PARVB: variants seen among roughly 807,000 people sequenced by gnomAD.
PARVB encodes the protein beta-parvin.
In PARVB, 46 loss-of-function variants were observed where a neutral mutation model predicts 47.0. That is an observed-to-expected ratio of 0.98 (90% confidence interval 0.77 to 1.25). PARVB has a LOEUF of 1.25. Ranked by LOEUF, PARVB falls within the 50% of genes most tolerant of loss-of-function variation. PARVB has a pLI of 0.00. For synonymous variants in PARVB, 196 were observed against 196.3 expected, an observed-to-expected ratio of 1.00 and a Z score of 0.01; for missense variants, 473 against 471.6, an observed-to-expected ratio of 1.00 and a Z score of -0.03.
chr22:44,161,761 G>A (rs1434203147), intron 11 of PARVB, among the ~76,000 whole-genome samples: 1 of 152,226 alleles, frequency 6.6e-6, no homozygotes, highest in Non-Finnish European at 1.5e-5. Flanking sequence ...TGGATGCACA[G>A]CACCCGCAGG....
chr22:44,166,978 C>T (rs1172405947), intron 12 of PARVB, among the ~76,000 whole-genome samples: 1 of 152,216 alleles, frequency 6.6e-6, no homozygotes, highest in African/African-American at 2.4e-5. Context: ...GAGGCAGTGG[C>T]TGTGGCCTCC....
intron 5 of PARVB, among the ~76,000 whole-genome samples, chr22:44,132,468 G>A (rs1446543510): frequency 6.6e-6 from 1 of 152,164 alleles, no homozygotes; most frequent in African/African-American, 2.4e-5. Flanking sequence ...CTCTGCTCTT[G>A]GCAGCCTACC....
intron 1 of PARVB, among the ~76,000 whole-genome samples, chr22:44,071,705 T>C (rs1048766574): frequency 6.6e-6 from 1 of 152,240 alleles, no homozygotes; most frequent in African/African-American, 2.4e-5. Flanking sequence ...GAAGTCATGA[T>C]TGGGCTGATT....
intron 8 of PARVB, 114 bp from the exon 9 acceptor site, chr22:44,147,747 G>T: frequency 1.2e-6 from 1 of 829,480 alleles, no homozygotes. Context: ...CTAGGCAGGT[G>T]TGGGAGTTGA....
At chr22:44,128,534 A>G (rs2053241442) in intron 4 of PARVB, among the ~76,000 whole-genome samples, 2 of 152,236 alleles carry the variant, frequency 1.3e-5, no homozygotes, top group South Asian at 4.1e-4. Flanking sequence ...CTAAGGCAGC[A>G]CACAGGCATG....
chr22:44,119,047 G>C lies in PARVB; in HGVS notation c.283G>C (p.Asp95His). The change falls in exon 4 of 13, where the codon GAC becomes CAC. Residue 95 changes from aspartate (D) to histidine (H), a missense_variant. Transcript: ENST00000338758. ...CCTGCGTCTCCTGCAGGTCCTCCTC[G>C]ACTGGATTAATGACGTGCTGGTGGA... is the stretch of plus-strand genomic sequence containing the variant. The part of the protein sequence containing the change: ...KFKELVKVLL[D>H]WINDVLVEER... 4 of 1,613,632 alleles carry C rather than the reference G, an allele frequency of 2.5e-6. No homozygotes were observed. The highest frequency in any genetic ancestry group is 3.4e-6 in the Non-Finnish European group (4 of 1,179,552).
chr22:44,147,411 C>T (rs1215531439), intron 8 of PARVB: 6 of 334,570 alleles, frequency 1.8e-5, no homozygotes, highest in Non-Finnish European at 3.0e-5. Flanking sequence ...TGCAGCTGCT[C>T]CCAGGCGAGG....
intron 2 of PARVB, among the ~76,000 whole-genome samples, chr22:44,095,636 C>T (rs1439028640): frequency 1.3e-5 from 2 of 152,356 alleles, no homozygotes; most frequent in East Asian, 3.9e-4. Context: ...CCCCTGCGCT[C>T]ACTGCCTGAT....
At chr22:44,070,804 C>T (rs1210425285) in intron 1 of PARVB, among the ~76,000 whole-genome samples, 2 of 152,170 alleles carry the variant, frequency 1.3e-5, no homozygotes, top group Admixed American at 6.5e-5. Flanking sequence ...AGACCCTGCC[C>T]GCACCTCCTG....
chr22:44,057,749 G>C (rs1214993425), intron 1 of PARVB, among the ~76,000 whole-genome samples: 1 of 152,124 alleles, frequency 6.6e-6, no homozygotes, highest in Non-Finnish European at 1.5e-5. Flanking sequence ...TGGGGGAGGG[G>C]AGTGGAAGAG....
chr22:44,061,565 C>G (rs949059746), intron 1 of PARVB, among the ~76,000 whole-genome samples: 1 of 152,118 alleles, frequency 6.6e-6, no homozygotes, highest in African/African-American at 2.4e-5. Flanking sequence ...AGACCTCAGA[C>G]AAGAAGGCAG....
intron 1 of PARVB, among the ~76,000 whole-genome samples, chr22:44,064,460 C>A (rs2051480927): frequency 6.6e-6 from 1 of 152,180 alleles, no homozygotes; most frequent in Admixed American, 6.5e-5. Context: ...AGTTCTGATG[C>A]TTCACGTCCT....
At chr22:44,164,061 G>T in intron 12 of PARVB, 131 bp downstream of exon 12, 1 of 603,164 alleles carries the variant, frequency 1.7e-6, no homozygotes. Context: ...CTGGGGCAAG[G>T]GTCTGCCAAC....
chr22:44,006,498 G>A (rs546513528), intron 2 of PARVB, among the ~76,000 whole-genome samples: 30 of 152,304 alleles, frequency 2.0e-4, no homozygotes, highest in African/African-American at 6.7e-4. Context: ...GGTGGCATGC[G>A]CCTGTAGTCC....
At chr22:44,039,749 ACT>A (rs2050984930) in intron 1 of PARVB, 1 of 404,448 alleles carries the variant, frequency 2.5e-6, no homozygotes, top group Admixed American at 2.6e-5. Flanking sequence ...ATCACCCGAG[ACT>A]CTCAAAACCA....
At chr22:44,140,586 C>CA (rs1452023141) in intron 8 of PARVB, 1 of 522,096 alleles carries the variant, frequency 1.9e-6, no homozygotes, top group East Asian at 5.4e-5. Context: ...ACTGGTTTAG[C>CA]AGACTTCCTT....
At chr22:44,143,507 G>C (rs2053599503) in intron 8 of PARVB, 1 of 152,332 alleles carries the variant, frequency 6.6e-6, no homozygotes, top group African/African-American at 2.4e-5. Flanking sequence ...GCTTCTGGAA[G>C]GCCGGGCAGA....
At chr22:44,037,017 G>T (rs1432491668) in intron 1 of PARVB, among the ~76,000 whole-genome samples, 1 of 151,290 alleles carries the variant, frequency 6.6e-6, no homozygotes, top group Non-Finnish European at 1.5e-5. Context: ...AATCTGAGAA[G>T]TGAGGGTAAA....
intron 1 of PARVB, among the ~76,000 whole-genome samples, chr22:44,078,011 T>C (rs1273480392): frequency 6.6e-6 from 1 of 152,132 alleles, no homozygotes; most frequent in Non-Finnish European, 1.5e-5. Flanking sequence ...AGGGAAACAG[T>C]TGGGCTTGGT....
Sources: allele counts gnomAD v4.1 joint callset (sites outside exome capture counted in the v4.1 genomes callset), GRCh38; gene constraint gnomAD v4.1.1; transcripts MANE v1.5; gene names NCBI Gene and HGNC (gene_info 2026-07-23, HGNC 2026-07-21).